Variants in NRG4 observed in about 807,000 individuals in gnomAD.
NRG4 encodes the protein neuregulin 4, also known as pro-neuregulin-4, membrane-bound isoform.
A neutral mutation model predicts 15.0 loss-of-function variants in NRG4; 10 were observed. The observed-to-expected ratio is 0.67, with a 90% CI of 0.41 to 1.13. NRG4 has a LOEUF of 1.13. Ranked by LOEUF, NRG4 falls within the 50% of genes most tolerant of loss-of-function variation. NRG4 has a pLI of 0.00. For missense variants in NRG4, 139 were observed against 140.2 expected (o/e 0.99, Z 0.04); for synonymous variants, 41 against 50.1 (o/e 0.82, Z 0.77).
At chr15:75,953,430 A>C (rs1002481310) in intron 5 of NRG4, among the ~76,000 whole-genome samples, 2 of 152,210 alleles carry the variant, frequency 1.3e-5, no homozygotes, top group African/African-American at 4.8e-5. Context: ...CTTCATAATA[A>C]GTTTAGAAAT....
chr15:75,979,898 T>C (rs1221835292), intron 3 of NRG4, among the ~76,000 whole-genome samples: 2 of 152,180 alleles, frequency 1.3e-5, no homozygotes, highest in South Asian at 4.1e-4. Context: ...GTACTGCAAA[T>C]GGTAACTGAA....
At chr15:75,995,037 A>G (rs1241391900) in intron 3 of NRG4, among the ~76,000 whole-genome samples, 1 of 151,754 alleles carries the variant, frequency 6.6e-6, no homozygotes, top group African/African-American at 2.4e-5. Context: ...ATAAATTTAA[A>G]AATTAGAGGG....
rs564202828 is a variant in NRG4 at position 75,990,688 on chromosome 15, T to G, written c.104+18512A>C. Among the ~76,000 whole-genome samples, 35 of 137,798 alleles carry G rather than the reference T, an allele frequency of 2.5e-4. 1 individual carries two copies. The highest frequency in any genetic ancestry group is 9.0e-4 in the Admixed American group (13 of 14,458). The allele number at this position is 137,798 out of a possible 152,430, so 90.4% of individuals were successfully genotyped here. On this transcript the variant is annotated intron_variant, in intron 3 of 5. Transcript: ENST00000394907. ...TGGTAATTGTTTTTTTTTTTTGTTT[T>G]TTTTTTTTTTGAGACAGGGTCTATG...
At chr15:76,021,188 A>T (rs1192808551) in intron 5 of NRG4, among the ~76,000 whole-genome samples, 1 of 152,192 alleles carries the variant, frequency 6.6e-6, no homozygotes, top group Non-Finnish European at 1.5e-5. Context: ...TGCTGTATAA[A>T]CAGAACAACA....
At chr15:76,004,218 A>T (rs1404010940) in intron 3 of NRG4, among the ~76,000 whole-genome samples, 1 of 152,216 alleles carries the variant, frequency 6.6e-6, no homozygotes, top group African/African-American at 2.4e-5. Flanking sequence ...TAGTGTTATA[A>T]CTTTAAAAGG....
At chr15:75,950,864 GAT>G (rs535489966) in intron 5 of NRG4, 3 of 162,114 alleles carry the variant, frequency 1.9e-5, no homozygotes, top group African/African-American at 7.2e-5. Context: ...TTATATTCTA[GAT>G]ATATGTCTTC....
At chr15:75,979,953 C>G (rs1451321961) in intron 3 of NRG4, among the ~76,000 whole-genome samples, 2 of 152,118 alleles carry the variant, frequency 1.3e-5, no homozygotes, top group Non-Finnish European at 2.9e-5. Context: ...ACATGGGAGA[C>G]TTTCAGAATT....
At chr15:76,033,956 G>A (rs1040476441) in intron 5 of NRG4, among the ~76,000 whole-genome samples, 1 of 152,126 alleles carries the variant, frequency 6.6e-6, no homozygotes, top group Admixed American at 6.5e-5. Flanking sequence ...AATAGATATT[G>A]GATTGGATAA....
chr15:76,031,199 A>G (rs74024069), intron 5 of NRG4, among the ~76,000 whole-genome samples: 5,628 of 152,242 alleles, frequency 0.037, 180 homozygotes, highest in African/African-American at 0.085. Context: ...ATCTCCACAA[A>G]CTAGGGGAAA....
At chr15:75,972,277 T>C (rs983732809) in intron 3 of NRG4, among the ~76,000 whole-genome samples, 1 of 152,208 alleles carries the variant, frequency 6.6e-6, no homozygotes, top group East Asian at 1.9e-4. Flanking sequence ...TAGCCCTTTG[T>C]CAGATGGATA....
intron 3 of NRG4, among the ~76,000 whole-genome samples, chr15:75,966,137 G>T (rs62027605): frequency 0.25 from 37,260 of 151,900 alleles, 5,453 homozygotes; most frequent in Non-Finnish European, 0.33. Context: ...CCCAAACACA[G>T]AAGCTACGTT....
intron 4 of NRG4, among the ~76,000 whole-genome samples, chr15:76,042,059 A>C (rs1412219300): frequency 6.6e-6 from 1 of 152,204 alleles, no homozygotes; most frequent in Non-Finnish European, 1.5e-5. Context: ...ATGGAAATTA[A>C]ACAATATGCT....
At chr15:75,939,871 G>A (rs2030756702), downstream of NRG4, 1 of 152,010 alleles carries the variant, frequency 6.6e-6, no homozygotes, top group Non-Finnish European at 1.5e-5. Context: ...GGGATAAGAG[G>A]AAACTACCTG....
chr15:75,947,707 G>A (rs965830533), intron 5 of NRG4, among the ~76,000 whole-genome samples: 16 of 151,892 alleles, frequency 1.1e-4, no homozygotes, highest in African/African-American at 3.6e-4. Flanking sequence ...TTTTTTTTGA[G>A]GACTTGCCAT....
chr15:75,946,384 G>A (rs1216606504), intron 5 of NRG4, among the ~76,000 whole-genome samples: 3 of 152,136 alleles, frequency 2.0e-5, no homozygotes, highest in Non-Finnish European at 4.4e-5. Context: ...TTGAGACGAG[G>A]TCTCGCTCTG....
At chr15:76,050,369 ACAGGCAC>A (rs1203059494) in intron 4 of NRG4, among the ~76,000 whole-genome samples, 1 of 150,048 alleles carries the variant, frequency 6.7e-6, no homozygotes, top group African/African-American at 2.5e-5. Context: ...TTAGAAAAGA[ACAGGCAC>A]CATCCTCAGT....
chr15:75,942,175 TAC>T lies in NRG4; in HGVS notation c.*1461_*1462del, dbSNP rs2031056663. On this transcript the variant is annotated 3_prime_UTR_variant, in exon 6 of 6. Transcript: ENST00000394907. ...TCAGTGGGAGAGAGGGAGGGGTAAATACATGGAGTAGAGATTTTTAGGGTGGT... is the reference window on the plus strand; with the variant it reads ...TCAGTGGGAGAGAGGGAGGGGTAAATATGGAGTAGAGATTTTTAGGGTGGT... 6.6e-6 allele frequency: 1 copy of T among 151,830 alleles called. No individual in the cohort carries two copies. The highest frequency in any genetic ancestry group is 1.9e-4 in the East Asian group (1 of 5,174). The allele number at this position is 151,830 out of a possible 1,614,324, so 9.4% of individuals were successfully genotyped here.
intron 5 of NRG4, among the ~76,000 whole-genome samples, chr15:76,024,634 A>G (rs1263477647): frequency 6.6e-6 from 1 of 152,204 alleles, no homozygotes. Flanking sequence ...CCCCAACCCC[A>G]GCAAGACTTC....
downstream of NRG4, chr15:75,937,213 TA>T (rs562505830): frequency 1.4e-3 from 201 of 140,984 alleles, no homozygotes; most frequent in Non-Finnish European, 1.3e-3. Flanking sequence ...ATCAAAACAT[TA>T]AAAAAAAAAA....
Sources: allele counts gnomAD v4.1 joint callset (sites outside exome capture counted in the v4.1 genomes callset), GRCh38; gene constraint gnomAD v4.1.1; transcripts MANE v1.5; gene names NCBI Gene and HGNC (gene_info 2026-07-23, HGNC 2026-07-21).